Variants in LINGO2 observed in about 807,000 individuals in gnomAD.
The protein encoded by LINGO2 is leucine-rich repeat and immunoglobulin-like domain-containing nogo receptor-interacting protein 2.
LINGO2 carries 14 observed loss-of-function variants against 30.6 expected under a neutral mutation model. The ratio of observed to expected loss-of-function variants is 0.46; its 90% CI spans 0.30 to 0.72. The LOEUF (loss-of-function observed/expected upper bound fraction) is 0.72, where lower values mean the gene tolerates loss of function less well. Among genes scored for constraint, LINGO2 ranks in the 30% least tolerant of loss-of-function variants. The pLI is 0.07. For synonymous variants in LINGO2, 317 were observed against 288.5 expected (o/e 1.10, Z -1.00); for missense variants, 729 against 751.7 (o/e 0.97, Z 0.35).
At chr9:28,362,204 TTG>T (rs112576497) in intron 3 of LINGO2, among the ~76,000 whole-genome samples, 2 of 125,612 alleles carry the variant, frequency 1.6e-5, no homozygotes, top group Non-Finnish European at 3.6e-5. Flanking sequence ...ATGGTGTAAA[TTG>T]TGTGTGTATG....
At chr9:28,385,553 T>C (rs753869065) in intron 2 of LINGO2, among the ~76,000 whole-genome samples, 10 of 152,154 alleles carry the variant, frequency 6.6e-5, no homozygotes, top group Non-Finnish European at 1.2e-4. Context: ...AAATTAGGCT[T>C]TGTGGCTGGA....
At chr9:29,119,037 T>C in the LINGO2 span, among the ~76,000 whole-genome samples, 2 of 152,124 alleles carry the variant, frequency 1.3e-5, no homozygotes, top group Admixed American at 6.5e-5. Flanking sequence ...ATAACAGAGA[T>C]ACCATCCTCA....
At chr9:27,954,607 AGATT>A (rs1819476885) in intron 5 of LINGO2, among the ~76,000 whole-genome samples, 1 of 152,262 alleles carries the variant, frequency 6.6e-6, no homozygotes, top group South Asian at 2.1e-4. Flanking sequence ...ATGGACACTT[AGATT>A]GATTCTGTAT....
At chr9:28,765,251 T>C in the LINGO2 span, among the ~76,000 whole-genome samples, 1 of 152,054 alleles carries the variant, frequency 6.6e-6, no homozygotes, top group Non-Finnish European at 1.5e-5. Context: ...TATCAGATTA[T>C]ATTACAAAGC....
At chr9:28,144,786 A>C (rs1827768646) in intron 4 of LINGO2, among the ~76,000 whole-genome samples, 1 of 152,218 alleles carries the variant, frequency 6.6e-6, no homozygotes, top group African/African-American at 2.4e-5. Context: ...AATAACAAAG[A>C]CTAATTGAAG....
At chr9:28,872,053 C>G in the LINGO2 span, among the ~76,000 whole-genome samples, 2 of 151,784 alleles carry the variant, frequency 1.3e-5, no homozygotes, top group East Asian at 3.9e-4. Context: ...TGCCTTTAAC[C>G]TCAAACTTCA....
At chr9:29,036,382 G>A in the LINGO2 span, among the ~76,000 whole-genome samples, 2 of 151,938 alleles carry the variant, frequency 1.3e-5, no homozygotes, top group African/African-American at 4.8e-5. Flanking sequence ...TTCTGATCAA[G>A]TCTTAATAAC....
At chr9:28,676,665 G>A in the LINGO2 span, among the ~76,000 whole-genome samples, 2 of 152,150 alleles carry the variant, frequency 1.3e-5, no homozygotes, top group East Asian at 3.9e-4. Flanking sequence ...TAAGATTTAC[G>A]AGGACTTCAC....
the LINGO2 span, among the ~76,000 whole-genome samples, chr9:28,910,294 A>T: frequency 3.8e-4 from 58 of 151,822 alleles, no homozygotes; most frequent in Non-Finnish European, 6.3e-4. Context: ...ACTGTCACAT[A>T]TAAATGCTCA....
the LINGO2 span, among the ~76,000 whole-genome samples, chr9:28,899,546 A>T: frequency 6.6e-6 from 1 of 152,214 alleles, no homozygotes; most frequent in Non-Finnish European, 1.5e-5. Context: ...AGCCTTTGCT[A>T]GCCCTTGCAT....
the LINGO2 span, among the ~76,000 whole-genome samples, chr9:28,725,918 T>C: frequency 2.0e-5 from 3 of 152,062 alleles, no homozygotes; most frequent in Admixed American, 1.3e-4. Context: ...ACTGAAAGGG[T>C]TAAAGAGTTG....
intron 4 of LINGO2, among the ~76,000 whole-genome samples, chr9:28,242,224 T>A (rs1345048602): frequency 1.3e-5 from 2 of 152,080 alleles, no homozygotes; most frequent in African/African-American, 4.8e-5. Context: ...CTGAGAACCT[T>A]GACAAAATGT....
intron 4 of LINGO2, among the ~76,000 whole-genome samples, chr9:28,255,117 A>C (rs1479552366): frequency 6.6e-6 from 1 of 152,044 alleles, no homozygotes; most frequent in East Asian, 1.9e-4. Flanking sequence ...GTGAAAATAG[A>C]TTTATGTACA....
intron 2 of LINGO2, among the ~76,000 whole-genome samples, chr9:28,417,861 G>GA (rs1564187001): frequency 6.6e-6 from 1 of 152,120 alleles, no homozygotes; most frequent in Non-Finnish European, 1.5e-5. Flanking sequence ...TCATCCTGCA[G>GA]AAAAATATAT....
At chr9:28,502,469 G>A (rs371435056) in intron 1 of LINGO2, among the ~76,000 whole-genome samples, 26 of 151,986 alleles carry the variant, frequency 1.7e-4, no homozygotes, top group Admixed American at 3.9e-4. Context: ...AGGTTCACTC[G>A]TACATTTCTG....
chr9:29,025,616 T>C, the LINGO2 span, among the ~76,000 whole-genome samples: 1 of 152,172 alleles, frequency 6.6e-6, no homozygotes, highest in Non-Finnish European at 1.5e-5. Context: ...AATGACAAAA[T>C]CAGGTTAGTG....
intron 4 of LINGO2, among the ~76,000 whole-genome samples, chr9:28,191,292 C>A (rs895420137): frequency 6.6e-6 from 1 of 152,146 alleles, no homozygotes. Flanking sequence ...TTATAGTAGG[C>A]CTGTATAAAA....
In LINGO2 at chr9:28,122,003, AATAAG is replaced by A. The variant is rs549625298; in HGVS notation, c.-86-109603_-86-109599del. Among the ~76,000 whole-genome samples, 165 of 150,494 alleles carry A rather than the reference AATAAG, an allele frequency of 1.1e-3. 2 individuals carry two copies. In the East Asian group the frequency reaches 0.016, roughly 15 times the overall value. ...CATCTCTATTTTATATATGGGAGAA[AATAAG>A]ATAAAAGATGAATTGACTTACATGG... On this transcript the variant is annotated intron_variant, in intron 4 of 5. Coordinates refer to ENST00000379992, the Ensembl canonical transcript of LINGO2.
intron 2 of LINGO2, among the ~76,000 whole-genome samples, chr9:28,402,789 TC>T (rs1393300742): frequency 6.6e-6 from 1 of 152,118 alleles, no homozygotes; most frequent in Non-Finnish European, 1.5e-5. Flanking sequence ...TCACGTTTTT[TC>T]TGTCTTCTTT....
Sources: gnomAD v4.1 joint callset for allele counts (sites outside exome capture counted in the v4.1 genomes callset) on GRCh38, gnomAD v4.1.1 for gene constraint, MANE v1.5 for transcripts, NCBI Gene and HGNC (gene_info 2026-07-23, HGNC 2026-07-21) for gene names.